The following CEP76 variants were observed in gnomAD, a reference collection of about 807,000 sequenced individuals.
CEP76 encodes the protein centrosomal protein 76.
In CEP76, 55 loss-of-function variants were observed where a neutral mutation model predicts 83.3. That is an observed-to-expected ratio of 0.66 (90% CI 0.53 to 0.83). The LOEUF is 0.83. Ranked by LOEUF, CEP76 falls within the 40% of genes least tolerant of loss-of-function variation. The pLI, the probability that CEP76 is intolerant of heterozygous loss-of-function variation, is 0.00. For synonymous variants in CEP76, 270 were observed against 274.5 expected (o/e 0.98, Z 0.16); for missense variants, 694 against 799.5 (o/e 0.87, Z 1.59).
At chr18:12,697,680 A>G (rs1005182304) in intron 4 of CEP76, among the ~76,000 whole-genome samples, 1 of 152,210 alleles carries the variant, frequency 6.6e-6, no homozygotes, top group African/African-American at 2.4e-5. Flanking sequence ...TCTGTTCTTT[A>G]AAAGTACTTA....
intron 10 of CEP76, among the ~76,000 whole-genome samples, chr18:12,675,633 T>C (rs1405534075): frequency 6.6e-6 from 1 of 152,150 alleles, no homozygotes; most frequent in Non-Finnish European, 1.5e-5. Flanking sequence ...CATATTTCTA[T>C]GGAATGTTAA....
intron 12 of CEP76, among the ~76,000 whole-genome samples, chr18:12,665,901 T>C (rs1273633054): frequency 6.6e-6 from 1 of 152,206 alleles, no homozygotes; most frequent in African/African-American, 2.4e-5. Flanking sequence ...TTCACCATGT[T>C]GGCCAGGCTG....
Position 12,697,211 on chromosome 18 carries a change from T to C in CEP76, c.706+12A>G. 6.4e-7 allele frequency: 1 copy of C among 1,572,740 alleles called. No homozygotes were observed. ...TATAAAAAGGTTAACAATGATATAT[T>C]AATCACCATACCTACACCCATAAGT... On this transcript the variant is annotated intron_variant, in intron 5 of 11. Transcript: ENST00000262127.
chr18:12,677,580 G>A (rs1161723241), intron 10 of CEP76, among the ~76,000 whole-genome samples: 5 of 151,892 alleles, frequency 3.3e-5, no homozygotes, highest in Non-Finnish European at 5.9e-5. Flanking sequence ...ACCAACCTGG[G>A]GAGAAAAATG....
Position 12,702,675 on chromosome 18 carries a change from G to A in CEP76, c.-127C>T. On this transcript the variant is annotated 5_prime_UTR_variant, in exon 1 of 12. Coordinates refer to ENST00000262127, the MANE Select transcript of CEP76 (RefSeq NM_024899.4). ...GCGCCGCAGCCGTTCGCCTAGCGCA[G>A]CTCCCGGGGGACGCAACGCCGCGTC... is the stretch of plus-strand genomic sequence containing the variant. 9.4e-7 allele frequency: 1 copy of A among 1,066,572 alleles called. No homozygotes were observed. The highest frequency in any genetic ancestry group is 2.9e-5 in the East Asian group (1 of 34,666). The allele number at this position is 1,066,572 out of a possible 1,614,324, so 66.1% of individuals were successfully genotyped here.
Position 12,702,675 on chromosome 18 carries a change from G to C in CEP76, c.-127C>G. ...GCGCCGCAGCCGTTCGCCTAGCGCA[G>C]CTCCCGGGGGACGCAACGCCGCGTC... On this transcript the variant is annotated 5_prime_UTR_variant, in exon 1 of 12. Transcript: ENST00000262127. 9.4e-7 allele frequency: 1 copy of C among 1,066,572 alleles called. No homozygotes were observed. The highest frequency in any genetic ancestry group is 1.3e-6 in the Non-Finnish European group (1 of 768,080). The allele number at this position is 1,066,572 out of a possible 1,614,324, so 66.1% of individuals were successfully genotyped here.
Position 12,686,387 on chromosome 18 carries a change from G to A in CEP76, c.997C>T (p.Leu333Phe), listed in dbSNP as rs940618359. 3.1e-6 allele frequency: 5 copies of A among 1,614,098 alleles called. No homozygotes were observed. The highest frequency in any genetic ancestry group is 4.2e-6 in the Non-Finnish European group (5 of 1,180,010). ...YVKPLRAGRL[L>F]DTPRQAARFV... ...CTTGCTGCTTGCCTTGGAGTATCAAGAAGCCGTCCAGCTCGAAGTGGTTTA... is the reference window on the plus strand; with the variant it reads ...CTTGCTGCTTGCCTTGGAGTATCAAAAAGCCGTCCAGCTCGAAGTGGTTTA... Residue 333 changes from leucine to phenylalanine, a missense_variant, in exon 8 of 12, where the codon CTT becomes TTT. By Grantham distance (22) the Leu-to-Phe change is conservative. Coordinates refer to ENST00000262127, the MANE Select transcript of CEP76 (RefSeq NM_024899.4).
At chr18:12,671,512 T>A (rs889021906), downstream of CEP76, among the ~76,000 whole-genome samples, 1 of 152,058 alleles carries the variant, frequency 6.6e-6, no homozygotes, top group Admixed American at 6.6e-5. Context: ...AAACCCCTCA[T>A]ATCATGTATT....
chr18:12,686,141 C>G (rs1011053643), intron 8 of CEP76, 121 bp downstream of exon 8: 1 of 644,536 alleles, frequency 1.6e-6, no homozygotes, highest in Non-Finnish European at 2.4e-6. Flanking sequence ...AGATACAGAA[C>G]CTGTGGGTAC....
At chr18:12,693,015 A>G (rs1390226604) in intron 6 of CEP76, among the ~76,000 whole-genome samples, 2 of 152,102 alleles carry the variant, frequency 1.3e-5, no homozygotes, top group African/African-American at 4.8e-5. Context: ...GTAGAGATGA[A>G]GTCTACCTAT....
At chr18:12,679,701 A>C (rs935131481) in intron 9 of CEP76, among the ~76,000 whole-genome samples, 2 of 152,222 alleles carry the variant, frequency 1.3e-5, no homozygotes, top group Non-Finnish European at 2.9e-5. Context: ...TAACCACATC[A>C]AATTTTAAAA....
chr18:12,663,979 A>G (rs1466834910), intron 12 of CEP76, among the ~76,000 whole-genome samples: 1 of 152,166 alleles, frequency 6.6e-6, no homozygotes, highest in East Asian at 1.9e-4. Flanking sequence ...AGCCTGACCA[A>G]CATGGAGAAA....
intron 12 of CEP76, among the ~76,000 whole-genome samples, chr18:12,666,745 G>C (rs1446710638): frequency 6.7e-6 from 1 of 149,352 alleles, no homozygotes; most frequent in Non-Finnish European, 1.5e-5. Context: ...CACCACACCC[G>C]GCCAAAAAAA....
chr18:12,680,560 G>A, intron 9 of CEP76, 102 bp downstream of exon 9: 1 of 794,766 alleles, frequency 1.3e-6, no homozygotes, highest in Non-Finnish European at 1.9e-6. Context: ...TTGTGCCAGT[G>A]CACTCCAGCC....
At chr18:12,690,348 T>C (rs529867838) in intron 7 of CEP76, among the ~76,000 whole-genome samples, 3 of 152,304 alleles carry the variant, frequency 2.0e-5, no homozygotes, top group Non-Finnish European at 4.4e-5. Flanking sequence ...CTTAAAATAA[T>C]ATACTACACT....
At chr18:12,688,045 C>A (rs1420466808) in intron 7 of CEP76, among the ~76,000 whole-genome samples, 1 of 151,792 alleles carries the variant, frequency 6.6e-6, no homozygotes, top group Non-Finnish European at 1.5e-5. Flanking sequence ...AGATCAATTC[C>A]ATCCTGGCTA....
chr18:12,670,599 T>C (rs992908344), downstream of CEP76: 4 of 152,180 alleles, frequency 2.6e-5, no homozygotes, highest in Non-Finnish European at 5.9e-5. Context: ...AGTTGAAAAT[T>C]ACAAGCAATT....
intron 7 of CEP76, among the ~76,000 whole-genome samples, chr18:12,687,145 C>T (rs1342443606): frequency 6.6e-6 from 1 of 152,078 alleles, no homozygotes; most frequent in South Asian, 2.1e-4. Flanking sequence ...GTTACTGATA[C>T]GGCACTGTGA....
At position 12,673,092 on chromosome 18, in the gene CEP76, C is replaced by T. The variant is rs971713303; in HGVS notation, c.*273G>A. 101 of 1,018,828 alleles carry T rather than the reference C, an allele frequency of 9.9e-5. No individual in the cohort carries two copies. The highest frequency in any genetic ancestry group is 1.2e-4 in the Non-Finnish European group (98 of 835,004). 63.1% of individuals were successfully genotyped at this position (1,018,828 alleles called of 1,614,324 possible). ...GCATTTTATATTAATATTTAAACTACTGATAACTGTAAACAAAGTAGCATT... is the reference window on the plus strand; with the variant it reads ...GCATTTTATATTAATATTTAAACTATTGATAACTGTAAACAAAGTAGCATT... On this transcript the variant is annotated 3_prime_UTR_variant, in exon 12 of 12. Coordinates refer to ENST00000262127, the MANE Select transcript of CEP76 (RefSeq NM_024899.4).
Sources: gnomAD v4.1 joint callset for allele counts (sites outside exome capture counted in the v4.1 genomes callset) on GRCh38, gnomAD v4.1.1 for gene constraint, MANE v1.5 for transcripts, NCBI Gene and HGNC (gene_info 2026-07-23, HGNC 2026-07-21) for gene names.